The following TRPM1 variants were observed in gnomAD, a reference collection of about 807,000 sequenced individuals.
TRPM1 encodes transient receptor potential cation channel subfamily M member 1.
TRPM1 carries 113 observed loss-of-function variants against 149.4 expected under a neutral mutation model. The observed-to-expected ratio is 0.76, with a 90% confidence interval of 0.65 to 0.88. The LOEUF is 0.88. TRPM1 is among the 40% of genes least tolerant of loss of function. The pLI, the probability that TRPM1 is intolerant of heterozygous loss-of-function variation, is 0.00. For missense variants in TRPM1, 1,976 were observed against 2,038.7 expected, an observed-to-expected ratio of 0.97 and a Z score of 0.59; for synonymous variants, 741 against 759.5, an observed-to-expected ratio of 0.98 and a Z score of 0.40.
intron 1 of TRPM1, among the ~76,000 whole-genome samples, chr15:31,097,928 T>G (rs570114860): frequency 6.6e-6 from 1 of 152,268 alleles, no homozygotes; most frequent in South Asian, 2.1e-4. Flanking sequence ...CTTAGAACAA[T>G]AAAGAAAGAC....
Position 31,048,008 on chromosome 15 carries a change from G to C in TRPM1, c.1573-69C>G. ...CCAGGCGCGGTGGCTCACGCCTGTA[G>C]TCCCAGCACTTTGGGAGGCCAAGGC... On this transcript the variant is annotated intron_variant, in intron 13 of 27. Transcript: ENST00000256552. 4.4e-6 allele frequency: 6 copies of C among 1,377,382 alleles called. No homozygotes were observed. In the South Asian group the frequency reaches 6.9e-5, roughly 16 times the overall value. The allele number at this position is 1,377,382 out of a possible 1,614,324, so 85.3% of individuals were successfully genotyped here.
intron 1 of TRPM1, among the ~76,000 whole-genome samples, chr15:31,145,924 A>G (rs962679298): frequency 6.6e-6 from 1 of 152,030 alleles, no homozygotes; most frequent in Non-Finnish European, 1.5e-5. Context: ...AGATACAAAA[A>G]AAAAACAAAA....
At chr15:31,028,734 T>C (rs995599695) in intron 24 of TRPM1, among the ~76,000 whole-genome samples, 4 of 151,656 alleles carry the variant, frequency 2.6e-5, no homozygotes. Flanking sequence ...CCTGGGTGAC[T>C]GAGCGAGACT....
At chr15:31,025,185 A>G (rs979956185) in intron 27 of TRPM1, among the ~76,000 whole-genome samples, 1 of 152,220 alleles carries the variant, frequency 6.6e-6, no homozygotes, top group Non-Finnish European at 1.5e-5. Context: ...CAAGGATAGA[A>G]AGCAGAGCTA....
intron 1 of TRPM1, among the ~76,000 whole-genome samples, chr15:31,131,950 C>T (rs1032018128): frequency 2.0e-5 from 3 of 152,138 alleles, no homozygotes; most frequent in African/African-American, 7.2e-5. Context: ...CTCGGGCTCC[C>T]AGCATAACCA....
chr15:31,087,995 TACC>T (rs1467828199), intron 1 of TRPM1, among the ~76,000 whole-genome samples: 2 of 152,252 alleles, frequency 1.3e-5, no homozygotes, highest in Non-Finnish European at 2.9e-5. Context: ...ATGTGTATTT[TACC>T]ACAATTAAAA....
intron 12 of TRPM1, among the ~76,000 whole-genome samples, 180 bp from the exon 13 acceptor site, chr15:31,049,689 G>A (rs2033891777): frequency 6.6e-6 from 1 of 152,164 alleles, no homozygotes. Flanking sequence ...TTTCTTCTCA[G>A]TTTGGCCTCT....
chr15:31,051,725 A>T (rs1320338958), intron 11 of TRPM1, among the ~76,000 whole-genome samples: 1 of 152,112 alleles, frequency 6.6e-6, no homozygotes, highest in Non-Finnish European at 1.5e-5. Flanking sequence ...ACTGATTGGC[A>T]TACAACTTCT....
At chr15:31,012,383 T>C (rs561642754) in intron 27 of TRPM1, among the ~76,000 whole-genome samples, 1 of 152,360 alleles carries the variant, frequency 6.6e-6, no homozygotes, top group South Asian at 2.1e-4. Context: ...TTTTGCTGCA[T>C]ATATAATTTT....
At chr15:31,029,603 C>G (rs2032965753) in intron 23 of TRPM1, among the ~76,000 whole-genome samples, 1 of 152,194 alleles carries the variant, frequency 6.6e-6, no homozygotes, top group Admixed American at 6.5e-5. Context: ...ATACATTAAT[C>G]ATTCTAGAAA....
At chr15:31,008,267 C>T (rs1326714346) in intron 27 of TRPM1, among the ~76,000 whole-genome samples, 1 of 152,148 alleles carries the variant, frequency 6.6e-6, no homozygotes, top group Non-Finnish European at 1.5e-5. Flanking sequence ...TCCTTGTTCC[C>T]AGTTTTAGGG....
At chr15:31,109,321 G>A (rs1181860413) in intron 1 of TRPM1, among the ~76,000 whole-genome samples, 5 of 90,886 alleles carry the variant, frequency 5.5e-5, no homozygotes, top group African/African-American at 2.2e-4. Context: ...GCAACAGAGT[G>A]AGACTCTGCC....
At chr15:31,068,872 C>T (rs897143456) in intron 4 of TRPM1, among the ~76,000 whole-genome samples, 1 of 151,970 alleles carries the variant, frequency 6.6e-6, no homozygotes, top group African/African-American at 2.4e-5. Flanking sequence ...ACCAAATCTG[C>T]TGGCACCTTG....
At chr15:31,026,885 C>T in intron 26 of TRPM1, 30 bp downstream of exon 26, 1 of 1,608,920 alleles carries the variant, frequency 6.2e-7, no homozygotes, top group Middle Eastern at 2.0e-4. Flanking sequence ...GAAATCAGCC[C>T]AACTTAGAAA....
chr15:31,001,792 T>TAAA lies in TRPM1; in HGVS notation c.*27_*29dup. 7.8e-7 allele frequency: 1 copy of TAAA among 1,274,236 alleles called. No individual in the cohort carries two copies. 78.9% of individuals were successfully genotyped at this position (1,274,236 alleles called of 1,614,324 possible). ...GACACCCATTAGTGGTTCTGACTGT[T>TAAA]AAAAAAAAAAATTAAAGAAACAAAA... is the stretch of plus-strand genomic sequence containing the variant. On this transcript the variant is annotated 3_prime_UTR_variant, in exon 28 of 28. Transcript: ENST00000256552.
intron 1 of TRPM1, among the ~76,000 whole-genome samples, chr15:31,099,930 A>T (rs1000275296): frequency 3.2e-4 from 48 of 152,218 alleles, no homozygotes; most frequent in African/African-American, 1.1e-3. Flanking sequence ...ATAGAGAGGC[A>T]GGGCTCCGTT....
chr15:31,086,359 T>C (rs1034119705), intron 1 of TRPM1, among the ~76,000 whole-genome samples: 2 of 152,260 alleles, frequency 1.3e-5, no homozygotes, highest in African/African-American at 4.8e-5. Flanking sequence ...CAGACTCCAC[T>C]GCTCCCCATT....
rs190174564 is a variant in TRPM1 at position 31,135,730 on chromosome 15, G to A, written c.54+25176C>T. Reference sequence around the variant, plus strand: ...TCACTCTGTTGGTTTCTACAACAGCGTATTGTGAAGAAGAGCCTGGCACCT... The same window carrying A: ...TCACTCTGTTGGTTTCTACAACAGCATATTGTGAAGAAGAGCCTGGCACCT... On this transcript the variant is annotated intron_variant, in intron 1 of 26. Coordinates refer to the TRPM1 transcript ENST00000542188. Among the ~76,000 whole-genome samples, 7 of 152,210 alleles carry A rather than the reference G, an allele frequency of 4.6e-5. No individual in the cohort carries two copies. The East Asian group carries it at 1.4e-3, about 29-fold the overall frequency.
At chr15:31,075,056 C>T (rs1433471691) in intron 3 of TRPM1, among the ~76,000 whole-genome samples, 1 of 152,032 alleles carries the variant, frequency 6.6e-6, no homozygotes, top group African/African-American at 2.4e-5. Flanking sequence ...TTATTTCTAT[C>T]CTTTTAGATA....
Sources: gnomAD v4.1 joint callset for allele counts (sites outside exome capture counted in the v4.1 genomes callset) on GRCh38, gnomAD v4.1.1 for gene constraint, MANE v1.5 for transcripts, NCBI Gene and HGNC (gene_info 2026-07-23, HGNC 2026-07-21) for gene names.